Variants in CACNG5 observed in about 807,000 individuals in gnomAD.
The protein encoded by CACNG5 is calcium voltage-gated channel auxiliary subunit gamma 5.
A neutral mutation model predicts 24.8 loss-of-function variants in CACNG5; 18 were observed. The ratio of observed to expected loss-of-function variants is 0.73; its 90% CI spans 0.50 to 1.08. The LOEUF is 1.08. Ranked by LOEUF, CACNG5 falls within the 50% of genes least tolerant of loss-of-function variation. The pLI is 0.00. For missense variants in CACNG5, 349 were observed against 367.9 expected (o/e 0.95, Z 0.42); for synonymous variants, 157 against 149.1 (o/e 1.05, Z -0.39).
intron 1 of CACNG5, among the ~76,000 whole-genome samples, chr17:66,855,225 G>C (rs1276674882): frequency 6.6e-6 from 1 of 152,194 alleles, no homozygotes; most frequent in Non-Finnish European, 1.5e-5. Context: ...CACATAAGCT[G>C]CAATGTTCCC....
Position 66,891,599 on chromosome 17 carries a change from C to T in CACNG5, c.*6359C>T, listed in dbSNP as rs1977346165. 6.6e-6 allele frequency among the ~76,000 whole-genome samples: 1 copy of T among 152,218 alleles called. No homozygotes were observed. On this transcript the variant is annotated 3_prime_UTR_variant, in exon 6 of 6. Transcript: ENST00000533854. ...TTTTAAGAGTGAGGGTCCCAAGAGA[C>T]AGGCAGAAGCTTCATTGCCTTTCTG...
intron 1 of CACNG5, among the ~76,000 whole-genome samples, chr17:66,836,710 C>T (rs1465929759): frequency 6.6e-6 from 1 of 152,216 alleles, no homozygotes; most frequent in African/African-American, 2.4e-5. Flanking sequence ...CCCAAACCTC[C>T]TCTCTCTTGT....
At chr17:66,838,958 T>A (rs1290385708) in intron 1 of CACNG5, among the ~76,000 whole-genome samples, 4 of 93,424 alleles carry the variant, frequency 4.3e-5, no homozygotes, top group Non-Finnish European at 8.3e-5. Context: ...CCCTCACCCA[T>A]TCTTTTTTTT....
intron 1 of CACNG5, among the ~76,000 whole-genome samples, chr17:66,858,940 T>C (rs943418118): frequency 1.3e-5 from 2 of 152,198 alleles, no homozygotes; most frequent in African/African-American, 4.8e-5. Flanking sequence ...CACAGCCTTG[T>C]GGTGACAGCA....
intron 1 of CACNG5, among the ~76,000 whole-genome samples, chr17:66,858,964 A>G (rs1455255137): frequency 6.6e-6 from 1 of 152,142 alleles, no homozygotes; most frequent in Non-Finnish European, 1.5e-5. Flanking sequence ...GCACCCTCCA[A>G]GGGCCACCTT....
At chr17:66,846,250 A>G (rs910418390) in intron 1 of CACNG5, among the ~76,000 whole-genome samples, 4 of 152,230 alleles carry the variant, frequency 2.6e-5, no homozygotes, top group East Asian at 1.9e-4. Flanking sequence ...CACAATACAT[A>G]TAACATAAAA....
chr17:66,849,595 G>C (rs1483055177), intron 1 of CACNG5, among the ~76,000 whole-genome samples: 2 of 152,176 alleles, frequency 1.3e-5, no homozygotes, highest in Non-Finnish European at 2.9e-5. Flanking sequence ...GAACACAGGT[G>C]GGGGACCACA....
intron 1 of CACNG5, among the ~76,000 whole-genome samples, chr17:66,847,222 C>T (rs1976648662): frequency 6.6e-6 from 1 of 152,170 alleles, no homozygotes; most frequent in Non-Finnish European, 1.5e-5. Flanking sequence ...ACTTCTGTAC[C>T]TGGACACAAC....
chr17:66,835,939 C>G (rs934009716), intron 1 of CACNG5, among the ~76,000 whole-genome samples: 6 of 152,220 alleles, frequency 3.9e-5, no homozygotes, highest in African/African-American at 1.4e-4. Context: ...TGTGATTCCC[C>G]GATCTTTGCT....
Position 66,892,239 on chromosome 17 carries a change from G to A in CACNG5, c.*6999G>A, listed in dbSNP as rs973395248. The stretch of plus-strand genomic sequence containing the variant: ...CCTCCTCCGACAAGGCTGTGCCTGG[G>A]GCAAGACGCCAAATTCATGGGCTCA... On this transcript the variant is annotated 3_prime_UTR_variant, in exon 6 of 6. Transcript: ENST00000533854. 1.3e-5 allele frequency among the ~76,000 whole-genome samples: 2 copies of A among 152,230 alleles called. No individual in the cohort carries two copies. Among genetic ancestry groups the A allele is most frequent in the South Asian group, 4.1e-4 (2 of 4,832 alleles).
intron 4 of CACNG5, 43 bp downstream of exon 4, chr17:66,880,740 G>T (rs746425224): frequency 1.9e-6 from 3 of 1,599,016 alleles, no homozygotes; most frequent in East Asian, 4.5e-5. Context: ...GGAATTTTTT[G>T]TTTTTTGTTT....
chr17:66,856,940 TG>T (rs1976786601), intron 1 of CACNG5, among the ~76,000 whole-genome samples: 1 of 152,152 alleles, frequency 6.6e-6, no homozygotes, highest in Non-Finnish European at 1.5e-5. Context: ...TCTTTATTTT[TG>T]TCATTGCAAG....
intron 4 of CACNG5, 88 bp downstream of exon 4, chr17:66,880,785 A>G (rs1450867421): frequency 2.1e-6 from 3 of 1,449,046 alleles, no homozygotes; most frequent in Non-Finnish European, 2.8e-6. Context: ...TCTGGCACCC[A>G]CGCTGGAGTG....
rs1284946576 is a variant in CACNG5, at chr17:66,889,013, T to C, written c.*3773T>C. Among the ~76,000 whole-genome samples the C allele has an allele frequency of 2.6e-5, 4 of 152,220 alleles. No individual in the cohort carries two copies. The East Asian group carries it at 7.7e-4, about 29-fold the overall frequency. ...GATGGTGAAGCTCCTGCTCTGTCAG[T>C]GCAGTGGTGTGATCTCGGCTCACTG... On this transcript the variant is annotated 3_prime_UTR_variant, in exon 6 of 6. Coordinates refer to ENST00000533854, the MANE Select transcript of CACNG5 (RefSeq NM_145811.3).
chr17:66,849,233 C>A (rs757760495), intron 1 of CACNG5, among the ~76,000 whole-genome samples: 2 of 151,558 alleles, frequency 1.3e-5, no homozygotes, highest in Non-Finnish European at 2.9e-5. Context: ...TGGGAACGGC[C>A]GTCTCCATCC....
intron 1 of CACNG5, among the ~76,000 whole-genome samples, chr17:66,870,927 C>T (rs568186419): frequency 5.7e-4 from 87 of 151,668 alleles, no homozygotes; most frequent in East Asian, 1.9e-3. Flanking sequence ...TTGCAGTGAG[C>T]GGAGATCATG....
chr17:66,884,684 T>C, intron 5 of CACNG5, 23 bp downstream of exon 5: 1 of 1,614,166 alleles, frequency 6.2e-7, no homozygotes, highest in Non-Finnish European at 8.5e-7. Flanking sequence ...ACCCTAAGTA[T>C]GGATAGGCTG....
chr17:66,855,358 G>A (rs1409597495), intron 1 of CACNG5, among the ~76,000 whole-genome samples: 1 of 152,220 alleles, frequency 6.6e-6, no homozygotes, highest in Non-Finnish European at 1.5e-5. Flanking sequence ...TCCTGGCTGT[G>A]CCTTCAGGCT....
At chr17:66,844,729 C>T (rs745568901) in intron 1 of CACNG5, among the ~76,000 whole-genome samples, 1 of 152,154 alleles carries the variant, frequency 6.6e-6, no homozygotes, top group Non-Finnish European at 1.5e-5. Flanking sequence ...ATACTGAGTG[C>T]TCTACTGAAT....
Sources: allele counts gnomAD v4.1 joint callset (sites outside exome capture counted in the v4.1 genomes callset), GRCh38; gene constraint gnomAD v4.1.1; transcripts MANE v1.5; gene names NCBI Gene and HGNC (gene_info 2026-07-23, HGNC 2026-07-21).